The following GALNT14 variants were observed in gnomAD, a reference collection of about 807,000 sequenced individuals.
The protein encoded by GALNT14 is UDP-GalNAc:polypeptide N-acetylgalactosaminyltransferase 14.
In GALNT14, 60 loss-of-function variants were observed where a neutral mutation model predicts 77.5. The ratio of observed to expected loss-of-function variants is 0.77; its 90% CI spans 0.63 to 0.96. GALNT14 has a LOEUF of 0.96. Among genes scored for constraint, GALNT14 ranks in the 40% least tolerant of loss-of-function variants. GALNT14 has a pLI of 0.00. For missense variants in GALNT14, 710 were observed against 731.0 expected (o/e 0.97, Z 0.33); for synonymous variants, 280 against 281.7 (o/e 0.99, Z 0.06).
At chr2:31,100,694 T>A (rs1167357673) in intron 1 of GALNT14, among the ~76,000 whole-genome samples, 1 of 112,126 alleles carries the variant, frequency 8.9e-6, no homozygotes, top group African/African-American at 4.1e-5. Flanking sequence ...GGATGTGTTT[T>A]AGCCTGTTAA....
At chr2:30,962,637 C>T (rs902083300) in intron 3 of GALNT14, among the ~76,000 whole-genome samples, 2 of 152,206 alleles carry the variant, frequency 1.3e-5, no homozygotes, top group Non-Finnish European at 2.9e-5. Context: ...TCTACACCCA[C>T]CCCATCATCT....
At chr2:31,132,681 G>A (rs1357860710) in intron 1 of GALNT14, 1 of 470,810 alleles carries the variant, frequency 2.1e-6, no homozygotes, top group Non-Finnish European at 4.4e-6. Context: ...GTTCAATCCT[G>A]GGTGTAGGCT....
At chr2:31,067,321 G>A (rs182402349) in intron 1 of GALNT14, among the ~76,000 whole-genome samples, 54 of 152,224 alleles carry the variant, frequency 3.5e-4, no homozygotes, top group South Asian at 2.3e-3. Flanking sequence ...ATGTCCCCAC[G>A]GGGGCCAAAG....
intron 6 of GALNT14, among the ~76,000 whole-genome samples, chr2:30,954,198 T>G (rs1164420750): frequency 6.6e-6 from 1 of 152,056 alleles, no homozygotes; most frequent in East Asian, 1.9e-4. Context: ...GCAGTGGGAA[T>G]GTCATGGCAT....
intron 1 of GALNT14, among the ~76,000 whole-genome samples, chr2:31,019,222 G>T (rs1435226461): frequency 6.6e-6 from 1 of 152,178 alleles, no homozygotes; most frequent in East Asian, 1.9e-4. Flanking sequence ...GAACTGCGAT[G>T]CCTCCACTCA....
At chr2:31,116,408 T>A (rs1678110441) in intron 1 of GALNT14, among the ~76,000 whole-genome samples, 1 of 152,094 alleles carries the variant, frequency 6.6e-6, no homozygotes. Flanking sequence ...ACGTAATTTA[T>A]AAGAAACATT....
intron 1 of GALNT14, among the ~76,000 whole-genome samples, chr2:31,125,844 C>G (rs2194472): frequency 0.027 from 4,179 of 152,264 alleles, 97 homozygotes; most frequent in Middle Eastern, 0.088. Flanking sequence ...CAGGACGATT[C>G]CTCTCTGAGG....
chr2:30,955,357 C>T (rs1052498869), intron 6 of GALNT14, among the ~76,000 whole-genome samples: 1 of 152,216 alleles, frequency 6.6e-6, no homozygotes, highest in African/African-American at 2.4e-5. Flanking sequence ...TATGTTATAT[C>T]CCAGCTGTCC....
chr2:30,929,443 T>C lies in GALNT14; in HGVS notation c.1103A>G (p.Gln368Arg), dbSNP rs766047190. ...TAEVWMDEYK[Q>R]YYYAARPFAL... ...GAATGGCCGGGCAGCGTAATAGTAT[T>C]GCTTGTATTCATCCATCCACACTTC... Residue 368 changes from glutamine to arginine, a missense_variant, in exon 11 of 15, where the codon CAA becomes CGA. Gln to Arg is a conservative substitution (Grantham distance 43). Coordinates refer to ENST00000349752, the MANE Select transcript of GALNT14 (RefSeq NM_024572.4). The C allele has an allele frequency of 1.2e-6, 2 of 1,614,168 alleles. No individual in the cohort carries two copies. Among genetic ancestry groups the C allele is most frequent in the Admixed American group, 1.7e-5 (1 of 60,024 alleles).
chr2:31,052,865 T>A (rs1673969131), intron 1 of GALNT14, among the ~76,000 whole-genome samples: 1 of 152,234 alleles, frequency 6.6e-6, no homozygotes, highest in Non-Finnish European at 1.5e-5. Context: ...TATTTGTTTT[T>A]TCTCTGAAAC....
chr2:31,010,279 C>T (rs373984426), intron 1 of GALNT14, among the ~76,000 whole-genome samples: 11 of 152,242 alleles, frequency 7.2e-5, no homozygotes, highest in Middle Eastern at 3.4e-3. Context: ...TGAACCACTG[C>T]GCCTGGCCCA....
At chr2:31,094,191 G>A (rs979509507) in intron 1 of GALNT14, among the ~76,000 whole-genome samples, 6 of 152,164 alleles carry the variant, frequency 3.9e-5, no homozygotes, top group Non-Finnish European at 5.9e-5. Flanking sequence ...CCTTAAGAAG[G>A]TTCTTTGTAA....
chr2:31,003,268 T>C (rs936811189), intron 1 of GALNT14, among the ~76,000 whole-genome samples: 8 of 152,208 alleles, frequency 5.3e-5, no homozygotes, highest in African/African-American at 1.9e-4. Flanking sequence ...CCTTAAATAG[T>C]TTGATAGATA....
chr2:30,949,923 G>A (rs1477448056), intron 6 of GALNT14, among the ~76,000 whole-genome samples: 2 of 152,180 alleles, frequency 1.3e-5, no homozygotes, highest in Non-Finnish European at 2.9e-5. Context: ...TCCTCAAGGA[G>A]GTGACATTGT....
chr2:31,083,284 G>A (rs922850126), intron 1 of GALNT14, among the ~76,000 whole-genome samples: 1 of 152,150 alleles, frequency 6.6e-6, no homozygotes, highest in African/African-American at 2.4e-5. Flanking sequence ...GGGGATCAGA[G>A]GGGGGTGGAA....
intron 1 of GALNT14, among the ~76,000 whole-genome samples, chr2:31,089,512 G>C (rs754952909): frequency 6.6e-6 from 1 of 152,072 alleles, no homozygotes; most frequent in Non-Finnish European, 1.5e-5. Context: ...TTCTGGAGAC[G>C]GACACGTTTT....
chr2:30,917,343 C>G (rs767243392), intron 13 of GALNT14, among the ~76,000 whole-genome samples: 2 of 152,126 alleles, frequency 1.3e-5, no homozygotes, highest in Non-Finnish European at 2.9e-5. Context: ...CCATGCTGCA[C>G]AGGACAACCC....
chr2:31,025,310 C>T lies in GALNT14; in HGVS notation c.130-32303G>A, dbSNP rs543610252. Among the ~76,000 whole-genome samples, 253 of 152,290 alleles carry T rather than the reference C, an allele frequency of 1.7e-3. 2 individuals are homozygous for T. The highest frequency in any genetic ancestry group is 5.8e-3 in the African/African-American group (240 of 41,570). On this transcript the variant is annotated intron_variant, in intron 1 of 14. Coordinates refer to ENST00000349752, the MANE Select transcript of GALNT14 (RefSeq NM_024572.4). ...ACCTGACCCCAGAGCCAGTGTCCCT[C>T]CCACCTTGTTAATCCAGACCCATGA...
intron 1 of GALNT14, among the ~76,000 whole-genome samples, chr2:31,086,429 G>A (rs754250177): frequency 2.7e-4 from 41 of 151,956 alleles, no homozygotes; most frequent in Non-Finnish European, 3.7e-4. Context: ...TTTCCCTCCC[G>A]TGCCAGGCAT....
Sources: allele counts gnomAD v4.1 joint callset (sites outside exome capture counted in the v4.1 genomes callset), GRCh38; gene constraint gnomAD v4.1.1; transcripts MANE v1.5; gene names NCBI Gene and HGNC (gene_info 2026-07-23, HGNC 2026-07-21).